ZDHHC15: variants seen among roughly 807,000 people sequenced by gnomAD.
ZDHHC15 encodes the protein zDHHC palmitoyltransferase 15, also known as palmitoyltransferase ZDHHC15.
A neutral mutation model predicts 31.7 loss-of-function variants in ZDHHC15; 19 were observed. The observed-to-expected ratio is 0.60, with a 90% CI of 0.42 to 0.88. ZDHHC15 has a LOEUF of 0.88. Among genes scored for constraint, ZDHHC15 ranks in the 40% least tolerant of loss-of-function variants. The pLI is 0.00. For synonymous variants in ZDHHC15, 103 were observed against 90.0 expected, an observed-to-expected ratio of 1.14 and a Z score of -0.82; for missense variants, 209 against 251.2, an observed-to-expected ratio of 0.83 and a Z score of 1.14.
chrX:75,383,904 A>G (rs2083150568), intron 10 of ZDHHC15, among the ~76,000 whole-genome samples: 1 of 95,085 alleles, frequency 1.1e-5, no homozygotes, highest in Admixed American at 1.2e-4. Flanking sequence ...ACACCCAGCT[A>G]ATTTTTTTTT....
intron 2 of ZDHHC15, among the ~76,000 whole-genome samples, chrX:75,487,325 G>A (rs1468939896): frequency 1.8e-5 from 2 of 112,321 alleles, no homozygotes; most frequent in Admixed American, 1.9e-4. Flanking sequence ...ATCTATGACT[G>A]GGAGACCTGA....
intron 1 of ZDHHC15, among the ~76,000 whole-genome samples, chrX:75,518,769 GTA>G (rs1162307795): frequency 2.6e-3 from 86 of 32,574 alleles, no homozygotes; most frequent in African/African-American, 9.3e-3. Flanking sequence ...TAACAAACTG[GTA>G]TATATATATA....
At chrX:75,466,696 T>C (rs753513486) in intron 3 of ZDHHC15, among the ~76,000 whole-genome samples, 13 of 111,320 alleles carry the variant, frequency 1.2e-4, no homozygotes, top group African/African-American at 3.6e-4. Context: ...ATATACACCA[T>C]GGAATATTAT....
intron 10 of ZDHHC15, among the ~76,000 whole-genome samples, chrX:75,389,807 A>G (rs1486760592): frequency 9.0e-6 from 1 of 111,095 alleles, no homozygotes; most frequent in Non-Finnish European, 1.9e-5. Context: ...ATGAGCAGAG[A>G]CTCATTCTGC....
At chrX:75,413,122 A>G (rs770851395) in intron 10 of ZDHHC15, among the ~76,000 whole-genome samples, 12 of 112,486 alleles carry the variant, frequency 1.1e-4, no homozygotes, top group Non-Finnish European at 2.2e-4. Context: ...CTTACTTGTA[A>G]TCATTTTACT....
chrX:75,438,053 GA>G (rs1266628596), intron 4 of ZDHHC15, among the ~76,000 whole-genome samples: 1 of 112,161 alleles, frequency 8.9e-6, no homozygotes, highest in Non-Finnish European at 1.9e-5. Flanking sequence ...GGCCATCAGA[GA>G]AATGCAAATC....
intron 8 of ZDHHC15, among the ~76,000 whole-genome samples, chrX:75,422,970 A>C (rs1306597564): frequency 3.8e-5 from 2 of 53,070 alleles, no homozygotes; most frequent in African/African-American, 1.6e-4. Context: ...CCCACCCCAC[A>C]ACAGGCCCCA....
chrX:75,441,554 G>T lies in ZDHHC15; in HGVS notation c.379+9248C>A, dbSNP rs144057084. On this transcript the variant is annotated intron_variant, in intron 4 of 11. Coordinates refer to ENST00000373367, the MANE Select transcript of ZDHHC15 (RefSeq NM_144969.3). ...TTGGCTGTCTCATGGAGTTTGCAGT[G>T]GCAAGATGCTTCTTTCAAAGGATCT... 7.9e-3 allele frequency among the ~76,000 whole-genome samples: 873 copies of T among 110,580 alleles called. 11 individuals are homozygous for T. Among genetic ancestry groups the T allele is most frequent in the African/African-American group, 0.026 (801 of 30,393 alleles).
chrX:75,379,688 A>G (rs1250879822), intron 10 of ZDHHC15, among the ~76,000 whole-genome samples: 2 of 112,395 alleles, frequency 1.8e-5, no homozygotes, highest in African/African-American at 3.2e-5. Context: ...TCTGACCTCC[A>G]GCCTTTTGGG....
Position 75,373,926 on chromosome X carries a change from GTTTTTT to G in ZDHHC15, c.*33-987_*33-982del, listed in dbSNP as rs35704680. Among the ~76,000 whole-genome samples the G allele has an allele frequency of 3.3e-3, 169 of 50,450 alleles. 1 individual carries two copies. The highest frequency in any genetic ancestry group is 6.0e-3 in the African/African-American group (79 of 13,186). The allele number at this position is 50,450 out of a possible 115,157, so 43.8% of individuals were successfully genotyped here. On this transcript the variant is annotated intron_variant, in intron 11 of 11. Transcript: ENST00000373367. ...ATACTAGGTCTTATTCATTCTTTCT[GTTTTTT>G]TTTTTTTTTTTTTTTTGTAGCCATT...
rs755097077 is a variant in ZDHHC15 at position 75,432,991 on chromosome X, A to T, written c.380-1471T>A. Among the ~76,000 whole-genome samples, 4 of 102,370 alleles carry T rather than the reference A, an allele frequency of 3.9e-5. No homozygotes were observed. In the South Asian group the frequency reaches 1.3e-3, roughly 33 times the overall value. 88.9% of individuals were successfully genotyped at this position (102,370 alleles called of 115,157 possible). On this transcript the variant is annotated intron_variant, in intron 4 of 11. Coordinates refer to ENST00000373367, the MANE Select transcript of ZDHHC15 (RefSeq NM_144969.3). ...AGAGCAAGATCCTGTTTCTAAAAATAAAAAAAAAAATGTAAATCAGATCAT... is the reference window on the plus strand; with the variant it reads ...AGAGCAAGATCCTGTTTCTAAAAATTAAAAAAAAAATGTAAATCAGATCAT...
chrX:75,458,303 C>T (rs1233550834), intron 3 of ZDHHC15, among the ~76,000 whole-genome samples: 1 of 111,395 alleles, frequency 9.0e-6, no homozygotes, highest in Non-Finnish European at 1.9e-5. Context: ...GTAGTAGTTA[C>T]CTCTAAGAGG....
intron 3 of ZDHHC15, among the ~76,000 whole-genome samples, chrX:75,460,557 C>T (rs745624217): frequency 9.0e-6 from 1 of 110,593 alleles, no homozygotes; most frequent in African/African-American, 3.3e-5. Flanking sequence ...GTCATTACCC[C>T]CCTGGGATGG....
chrX:75,381,712 C>T (rs191661260), intron 10 of ZDHHC15, among the ~76,000 whole-genome samples: 1 of 111,629 alleles, frequency 9.0e-6, no homozygotes, highest in African/African-American at 3.2e-5. Context: ...ACCACAATGT[C>T]CACCCTATGC....
At chrX:75,414,665 C>T (rs2083527367) in intron 10 of ZDHHC15, among the ~76,000 whole-genome samples, 1 of 101,770 alleles carries the variant, frequency 9.8e-6, no homozygotes, top group Admixed American at 1.1e-4. Flanking sequence ...GTCTTGATCT[C>T]CTGACCTCGT....
chrX:75,434,749 A>G (rs1376735936), intron 4 of ZDHHC15, among the ~76,000 whole-genome samples: 2 of 112,225 alleles, frequency 1.8e-5, no homozygotes, highest in Non-Finnish European at 3.8e-5. Context: ...GCCTTGTAGT[A>G]TAGTTTGAAG....
chrX:75,457,489 A>G (rs1205942995), intron 3 of ZDHHC15, among the ~76,000 whole-genome samples: 3 of 111,188 alleles, frequency 2.7e-5, no homozygotes, highest in African/African-American at 9.8e-5. Flanking sequence ...GGGAGTGCAG[A>G]TTTATATAAT....
intron 3 of ZDHHC15, among the ~76,000 whole-genome samples, chrX:75,454,193 T>C (rs1182645084): frequency 1.8e-5 from 2 of 112,085 alleles, no homozygotes; most frequent in Non-Finnish European, 3.8e-5. Flanking sequence ...CAGCAAAGTC[T>C]CAGGATACAA....
chrX:75,489,239 A>G (rs1370368795), intron 2 of ZDHHC15, among the ~76,000 whole-genome samples: 1 of 111,787 alleles, frequency 8.9e-6, no homozygotes, highest in Non-Finnish European at 1.9e-5. Context: ...CTTTGAAGAG[A>G]GTAGTGGTTC....
Sources: allele counts gnomAD v4.1 joint callset (sites outside exome capture counted in the v4.1 genomes callset), GRCh38; gene constraint gnomAD v4.1.1; transcripts MANE v1.5; gene names NCBI Gene and HGNC (gene_info 2026-07-23, HGNC 2026-07-21).